SPATA9: variants seen among roughly 807,000 people sequenced by gnomAD.
The protein encoded by SPATA9 is spermatogenesis-associated protein 9.
SPATA9 carries 27 observed loss-of-function variants against 25.5 expected under a neutral mutation model. That is an observed-to-expected ratio of 1.06 (90% confidence interval 0.78 to 1.46). The LOEUF (loss-of-function observed/expected upper bound fraction) is 1.46. Among genes scored for constraint, SPATA9 ranks in the 40% most tolerant of loss-of-function variants. The pLI is 0.00. For missense variants in SPATA9, 282 were observed against 297.5 expected (o/e 0.95, Z 0.38); for synonymous variants, 102 against 105.7 (o/e 0.97, Z 0.21).
downstream of SPATA9, chr5:95,653,953 C>T: frequency 4.1e-6 from 3 of 733,896 alleles, no homozygotes; most frequent in Non-Finnish European, 6.7e-6. Flanking sequence ...GAAAGTGCCT[C>T]CATTAATCTT....
At chr5:95,716,242 C>A in the SPATA9 span, among the ~76,000 whole-genome samples, 1 of 152,180 alleles carries the variant, frequency 6.6e-6, no homozygotes, top group East Asian at 1.9e-4. Context: ...CCTAGAAAAG[C>A]CACAGACGCT....
chr5:95,721,977 T>C, the SPATA9 span, among the ~76,000 whole-genome samples: 1 of 152,200 alleles, frequency 6.6e-6, no homozygotes, highest in African/African-American at 2.4e-5. Context: ...TAAAATCATT[T>C]TTAACTGTAG....
the SPATA9 span, among the ~76,000 whole-genome samples, chr5:95,715,169 C>G: frequency 4.6e-5 from 7 of 151,944 alleles, no homozygotes; most frequent in African/African-American, 1.7e-4. Context: ...ACTGAAAATA[C>G]AAAAATTAGC....
the SPATA9 span, chr5:95,713,620 A>G: frequency 6.6e-6 from 1 of 152,112 alleles, no homozygotes; most frequent in South Asian, 2.1e-4. Context: ...TTCTTTATAA[A>G]TTACCTAGTC....
chr5:95,692,190 T>A (rs1753911716), intron 1 of SPATA9, among the ~76,000 whole-genome samples: 1 of 152,166 alleles, frequency 6.6e-6, no homozygotes, highest in Non-Finnish European at 1.5e-5. Flanking sequence ...AAGGTTTGCA[T>A]CTTTCAGTGG....
chr5:95,664,042 T>G lies in SPATA9; in HGVS notation c.385A>C (p.Lys129Gln). The stretch of plus-strand genomic sequence containing the variant: ...GAGATGATTTCAAACAAAGAACCCT[T>G]TCTGACCTGCAAAAACAGAAAAGAT... The part of the protein sequence containing the change: ...RQPLYNIQVR[K>Q]GSLFEIISFP... Residue 129 changes from lysine to glutamine, a missense_variant, in exon 4 of 5, where the codon AAG (lysine) becomes CAG (glutamine). Coordinates refer to ENST00000274432, the MANE Select transcript of SPATA9 (RefSeq NM_031952.4). 1 of 1,554,566 alleles carries G rather than the reference T, an allele frequency of 6.4e-7. No individual in the cohort carries two copies. Among genetic ancestry groups the G allele is most frequent in the East Asian group, 2.3e-5 (1 of 43,604 alleles).
At chr5:95,671,866 C>T (rs1752410645) in intron 3 of SPATA9, among the ~76,000 whole-genome samples, 1 of 151,150 alleles carries the variant, frequency 6.6e-6, no homozygotes, top group African/African-American at 2.4e-5. Flanking sequence ...CACAAAAACA[C>T]CTAGAAATGT....
chr5:95,702,304 T>C (rs1754198722), upstream of SPATA9, among the ~76,000 whole-genome samples: 1 of 152,212 alleles, frequency 6.6e-6, no homozygotes, highest in Admixed American at 6.5e-5. Flanking sequence ...AAAAGTAGTT[T>C]GTCCTCATAT....
the SPATA9 span, chr5:95,730,754 A>G: frequency 2.7e-5 from 10 of 368,098 alleles, no homozygotes; most frequent in Non-Finnish European, 5.5e-5. Context: ...TAATCCCCCC[A>G]AGGCGACATT....
chr5:95,674,131 C>T (rs1022697290), intron 3 of SPATA9, among the ~76,000 whole-genome samples: 1 of 152,214 alleles, frequency 6.6e-6, no homozygotes, highest in Non-Finnish European at 1.5e-5. Flanking sequence ...CTTTCTCAGA[C>T]ATCAGAAATT....
In SPATA9 at chr5:95,675,440, G is replaced by A. The variant is rs547580466; in HGVS notation, c.350C>T (p.Ala117Val). The change falls in exon 3 of 5, where the codon GCG becomes GTG. Residue 117 changes from alanine (A) to valine (V), a missense_variant. Physicochemically the swap from Ala to Val is moderately conservative, Grantham distance 64. Coordinates refer to ENST00000274432, the MANE Select transcript of SPATA9 (RefSeq NM_031952.4). The part of the protein sequence containing the change: ...ISGRLLREVN[A>V]PRQPLYNIQV... ...AATGTTATATAGGGGTTGCCTCGGC[G>A]CATTAACTTCCCTCAGCAGACGACC... The A allele has an allele frequency of 1.9e-5, 31 of 1,614,048 alleles. No homozygotes were observed. Among genetic ancestry groups the A allele is most frequent in the African/African-American group, 4.0e-5 (3 of 75,010 alleles).
chr5:95,656,116 G>T (rs1444147465), downstream of SPATA9: 2 of 1,613,734 alleles, frequency 1.2e-6, no homozygotes, highest in African/African-American at 1.3e-5. Context: ...ACAGGAGAAG[G>T]TCTGTACCAG....
chr5:95,691,723 C>T (rs987382620), intron 1 of SPATA9, among the ~76,000 whole-genome samples: 6 of 152,158 alleles, frequency 3.9e-5, no homozygotes, highest in African/African-American at 1.4e-4. Flanking sequence ...GCTAGAACTT[C>T]TAAAACAGTT....
downstream of SPATA9, chr5:95,657,120 A>C (rs1347391082): frequency 6.6e-6 from 1 of 152,128 alleles, no homozygotes; most frequent in Admixed American, 6.6e-5. Flanking sequence ...TGAAATTTTC[A>C]AATAAAGATT....
upstream of SPATA9, chr5:95,701,437 TA>T (rs1387064805): frequency 1.6e-4 from 11 of 67,758 alleles, no homozygotes; most frequent in Admixed American, 1.4e-3. Flanking sequence ...TTTTTTGTAA[TA>T]AAAATATTTT....
At chr5:95,654,527 C>G (rs561510283), downstream of SPATA9, among the ~76,000 whole-genome samples, 1 of 152,212 alleles carries the variant, frequency 6.6e-6, no homozygotes, top group African/African-American at 2.4e-5. Flanking sequence ...TTTGACCTAG[C>G]AATTATACTC....
At chr5:95,713,347 A>AG in the SPATA9 span, among the ~76,000 whole-genome samples, 1 of 151,852 alleles carries the variant, frequency 6.6e-6, no homozygotes, top group Non-Finnish European at 1.5e-5. Flanking sequence ...GTGTTGGAGG[A>AG]GGGGCCCGGT....
the SPATA9 span, among the ~76,000 whole-genome samples, chr5:95,711,144 T>C: frequency 6.6e-6 from 1 of 152,102 alleles, no homozygotes; most frequent in Non-Finnish European, 1.5e-5. Context: ...CGTGAGGAGA[T>C]ACCAGTGAAA....
chr5:95,675,732 A>G, intron 2 of SPATA9, 93 bp from the exon 3 acceptor site: 1 of 968,208 alleles, frequency 1.0e-6, no homozygotes, highest in Non-Finnish European at 1.6e-6. Context: ...ATATAACTAC[A>G]TTGTGCATGG....
Sources: allele counts gnomAD v4.1 joint callset (sites outside exome capture counted in the v4.1 genomes callset), GRCh38; gene constraint gnomAD v4.1.1; transcripts MANE v1.5; gene names NCBI Gene and HGNC (gene_info 2026-07-23, HGNC 2026-07-21).